MIS18A: variants seen among roughly 807,000 people sequenced by gnomAD.
MIS18A encodes the protein protein Mis18-alpha.
In MIS18A, 14 loss-of-function variants were observed where a neutral mutation model predicts 25.0. The ratio of observed to expected loss-of-function variants is 0.56; its 90% CI spans 0.37 to 0.88. The LOEUF is 0.88. MIS18A is among the 40% of genes least tolerant of loss of function. The pLI, the probability that MIS18A is intolerant of heterozygous loss-of-function variation, is 0.00. For missense variants in MIS18A, 292 were observed against 290.8 expected, an observed-to-expected ratio of 1.00 and a Z score of -0.03; for synonymous variants, 134 against 118.6, an observed-to-expected ratio of 1.13 and a Z score of -0.84.
chr21:32,278,548 A>T, intron 1 of MIS18A, 133 bp downstream of exon 1: 1 of 961,556 alleles, frequency 1.0e-6, no homozygotes, highest in Non-Finnish European at 1.5e-6. Context: ...CACAGCTCAC[A>T]CTCTCAGACT....
the MIS18A span, among the ~76,000 whole-genome samples, chr21:32,251,783 G>T: frequency 6.6e-6 from 1 of 152,186 alleles, no homozygotes; most frequent in African/African-American, 2.4e-5. Flanking sequence ...ATTACCGAAG[G>T]TGGGAGACTG....
chr21:32,168,133 G>A, the MIS18A span, among the ~76,000 whole-genome samples: 18 of 152,094 alleles, frequency 1.2e-4, no homozygotes, highest in Non-Finnish European at 5.9e-5. Flanking sequence ...ACCACATGAG[G>A]AGACAGCAAA....
chr21:32,186,680 T>G, the MIS18A span, among the ~76,000 whole-genome samples: 11 of 152,096 alleles, frequency 7.2e-5, no homozygotes, highest in Admixed American at 2.6e-4. Flanking sequence ...GAGAAAGAAA[T>G]TAAGAGCAAT....
At chr21:32,241,959 AG>A in the MIS18A span, among the ~76,000 whole-genome samples, 2 of 152,182 alleles carry the variant, frequency 1.3e-5, no homozygotes, top group Admixed American at 6.5e-5. Context: ...GCTCACTGCA[AG>A]CTCCGCCTCC....
At chr21:32,213,764 G>C in the MIS18A span, among the ~76,000 whole-genome samples, 1 of 152,180 alleles carries the variant, frequency 6.6e-6, no homozygotes, top group South Asian at 2.1e-4. Context: ...AGCAAGTCTT[G>C]TTCCTTCTGG....
At chr21:32,258,209 C>T in the MIS18A span, among the ~76,000 whole-genome samples, 1 of 152,064 alleles carries the variant, frequency 6.6e-6, no homozygotes. Context: ...AAACAGAAAA[C>T]GACTGAAAGA....
At chr21:32,217,289 C>T in the MIS18A span, among the ~76,000 whole-genome samples, 1 of 149,874 alleles carries the variant, frequency 6.7e-6, no homozygotes, top group African/African-American at 2.4e-5. Flanking sequence ...AATAAAGAGA[C>T]AAAAAGAATA....
chr21:32,217,154 A>G, the MIS18A span, among the ~76,000 whole-genome samples: 2 of 152,242 alleles, frequency 1.3e-5, no homozygotes, highest in Admixed American at 6.5e-5. Context: ...TTCCAAAGGA[A>G]AAACTAGATA....
At chr21:32,263,406 G>A (rs889868178), downstream of MIS18A, among the ~76,000 whole-genome samples, 1 of 152,120 alleles carries the variant, frequency 6.6e-6, no homozygotes, top group African/African-American at 2.4e-5. Flanking sequence ...GACCAGCCTG[G>A]CCAACATGGT....
the MIS18A span, among the ~76,000 whole-genome samples, chr21:32,235,963 G>A: frequency 3.3e-5 from 5 of 152,110 alleles, no homozygotes; most frequent in African/African-American, 7.2e-5. Context: ...TGTCTCAAGA[G>A]CCCCCCTGCA....
At chr21:32,163,442 C>A in the MIS18A span, among the ~76,000 whole-genome samples, 1 of 152,206 alleles carries the variant, frequency 6.6e-6, no homozygotes. Context: ...AACTAACCCT[C>A]ACACCTGGTT....
chr21:32,237,382 A>G, the MIS18A span, among the ~76,000 whole-genome samples: 27 of 152,310 alleles, frequency 1.8e-4, no homozygotes, highest in East Asian at 5.2e-3. Flanking sequence ...GTACAGTCCC[A>G]TGTCCGCCTG....
chr21:32,269,929 C>A, intron 3 of MIS18A, 126 bp from the exon 4 acceptor site: 2 of 641,206 alleles, frequency 3.1e-6, no homozygotes, highest in East Asian at 2.7e-5. Flanking sequence ...CTGGGCAACA[C>A]AAGACCCCGG....
the MIS18A span, among the ~76,000 whole-genome samples, chr21:32,246,981 AGAT>A: frequency 1.3e-5 from 2 of 152,204 alleles, no homozygotes; most frequent in Non-Finnish European, 2.9e-5. Context: ...AGTCAGTCAT[AGAT>A]GATGACTGGC....
the MIS18A span, among the ~76,000 whole-genome samples, chr21:32,176,350 G>A: frequency 3.7e-3 from 564 of 152,280 alleles, 2 homozygotes; most frequent in Middle Eastern, 0.01. Context: ...ATCACTAGGT[G>A]ATAGGGTTTT....
the MIS18A span, among the ~76,000 whole-genome samples, chr21:32,253,180 G>C: frequency 6.6e-6 from 1 of 152,188 alleles, no homozygotes; most frequent in Non-Finnish European, 1.5e-5. Context: ...CCCAGCATCA[G>C]AGTTGTGCAC....
At chr21:32,193,999 C>A in the MIS18A span, among the ~76,000 whole-genome samples, 4 of 152,166 alleles carry the variant, frequency 2.6e-5, no homozygotes, top group South Asian at 6.2e-4. Flanking sequence ...CAGCTGATAA[C>A]CAAAAATGTC....
At chr21:32,161,466 G>A in the MIS18A span, among the ~76,000 whole-genome samples, 2 of 146,970 alleles carry the variant, frequency 1.4e-5, no homozygotes, top group South Asian at 4.3e-4. Flanking sequence ...GCTGCATTTG[G>A]AAGCTTGTTT....
At chr21:32,196,960 T>C in the MIS18A span, among the ~76,000 whole-genome samples, 1 of 152,098 alleles carries the variant, frequency 6.6e-6, no homozygotes, top group Non-Finnish European at 1.5e-5. Context: ...AGATGCAGTA[T>C]ACACACACAG....
Sources: gnomAD v4.1 joint callset for allele counts (sites outside exome capture counted in the v4.1 genomes callset) on GRCh38, gnomAD v4.1.1 for gene constraint, MANE v1.5 for transcripts, NCBI Gene and HGNC (gene_info 2026-07-23, HGNC 2026-07-21) for gene names.